The following NEBL variants were observed in gnomAD, a reference collection of about 807,000 sequenced individuals.
The protein encoded by NEBL is nebulette, also known as LIM and SH3 protein 2.
Under a neutral mutation model 140.2 loss-of-function variants are expected in NEBL, and 122 were observed. The ratio of observed to expected loss-of-function variants is 0.87; its 90% CI spans 0.75 to 1.01. The LOEUF is 1.01. Ranked by LOEUF, NEBL falls within the 50% of genes least tolerant of loss-of-function variation. The pLI is 0.00. For missense variants in NEBL, 1,365 were observed against 1,231.3 expected (o/e 1.11, Z -1.62); for synonymous variants, 436 against 398.9 (o/e 1.09, Z -1.11).
At chr10:20,942,290 C>T (rs1206235604) in intron 4 of NEBL, among the ~76,000 whole-genome samples, 1 of 152,186 alleles carries the variant, frequency 6.6e-6, no homozygotes, top group African/African-American at 2.4e-5. Flanking sequence ...TGCCGCATAT[C>T]TACAACCATC....
intron 3 of NEBL, among the ~76,000 whole-genome samples, chr10:21,006,050 C>A (rs1411762049): frequency 6.6e-6 from 1 of 152,174 alleles, no homozygotes; most frequent in Non-Finnish European, 1.5e-5. Context: ...TTTTCTACAT[C>A]TGTGTTTCTC....
chr10:21,018,834 C>A (rs374957174), intron 3 of NEBL, among the ~76,000 whole-genome samples: 14 of 152,166 alleles, frequency 9.2e-5, no homozygotes, highest in African/African-American at 3.4e-4. Flanking sequence ...TCAAGACCAG[C>A]CTGACCAAGA....
chr10:20,831,629 A>G (rs1333091655), intron 14 of NEBL, 46 bp from the exon 15 acceptor site: 1 of 1,261,248 alleles, frequency 7.9e-7, no homozygotes, highest in East Asian at 2.3e-5. Context: ...ATCATTTGAG[A>G]AACTGCTCAA....
chr10:21,032,044 GA>G (rs1833822672), intron 2 of NEBL, among the ~76,000 whole-genome samples: 2 of 152,152 alleles, frequency 1.3e-5, no homozygotes, highest in Non-Finnish European at 2.9e-5. Flanking sequence ...AATGGTATAA[GA>G]AGCTATTAAT....
At chr10:21,109,423 G>A (rs543791993) in intron 2 of NEBL, among the ~76,000 whole-genome samples, 131 of 152,194 alleles carry the variant, frequency 8.6e-4, no homozygotes, top group African/African-American at 2.8e-3. Context: ...GAGGATTTTC[G>A]CATCAATGTT....
At chr10:21,040,480 C>G (rs1834222898) in intron 2 of NEBL, among the ~76,000 whole-genome samples, 1 of 152,122 alleles carries the variant, frequency 6.6e-6, no homozygotes, top group Non-Finnish European at 1.5e-5. Context: ...GGTATGTTAC[C>G]TGGTGAGCGA....
rs1564518138 is a variant in NEBL at position 21,120,419 on chromosome 10, TATA to T, written c.164+51961_164+51963del. On this transcript the variant is annotated intron_variant, in intron 2 of 6. Coordinates refer to the NEBL transcript ENST00000417816. ...ATATATATATATATATATATATATA[TATA>T]TAAATTTGATCACTGGTTTAAAGTA... Among the ~76,000 whole-genome samples, 32 of 130,032 alleles carry T rather than the reference TATA, an allele frequency of 2.5e-4. 1 individual carries two copies. Among genetic ancestry groups the T allele is most frequent in the South Asian group, 7.5e-4 (3 of 4,014 alleles). The allele number at this position is 130,032 out of a possible 152,430, so 85.3% of individuals were successfully genotyped here.
At chr10:20,902,485 G>C (rs1847915395) in intron 4 of NEBL, among the ~76,000 whole-genome samples, 1 of 151,952 alleles carries the variant, frequency 6.6e-6, no homozygotes, top group Admixed American at 6.6e-5. Flanking sequence ...TCACAAATGA[G>C]AGCTACATAG....
chr10:20,900,892 A>T (rs1847843204), upstream of NEBL, among the ~76,000 whole-genome samples: 1 of 147,042 alleles, frequency 6.8e-6, no homozygotes, highest in African/African-American at 2.5e-5. Flanking sequence ...GGTGGCACAC[A>T]CCTGTAATCT....
chr10:21,192,092 A>G (rs1220115065), intron 3 of NEBL, among the ~76,000 whole-genome samples: 1 of 152,186 alleles, frequency 6.6e-6, no homozygotes, highest in Non-Finnish European at 1.5e-5. Flanking sequence ...CAGGTTCTCA[A>G]AAAATCTGCT....
At chr10:21,206,202 C>T (rs529868470) in intron 3 of NEBL, among the ~76,000 whole-genome samples, 14 of 152,192 alleles carry the variant, frequency 9.2e-5, no homozygotes, top group Admixed American at 2.6e-4. Flanking sequence ...ATCCTAATCG[C>T]TGTTAGCAGG....
intron 3 of NEBL, among the ~76,000 whole-genome samples, chr10:21,004,286 A>T (rs993505879): frequency 6.6e-6 from 1 of 152,180 alleles, no homozygotes; most frequent in Non-Finnish European, 1.5e-5. Flanking sequence ...CATCATTAAT[A>T]AAAAAATAAA....
In NEBL at chr10:20,783,449, T is replaced by C. The variant is rs538117233; in HGVS notation, c.*2298A>G. ...AAACATTATTACGTGAAGCTTAAAA[T>C]TTTAGGAGACTTATTCCTCAAATAT... is the stretch of plus-strand genomic sequence containing the variant. On this transcript the variant is annotated 3_prime_UTR_variant, in exon 28 of 28. Coordinates refer to ENST00000377122, the MANE Select transcript of NEBL (RefSeq NM_006393.3). 9 of 152,342 alleles carry C rather than the reference T, an allele frequency of 5.9e-5. No individual in the cohort carries two copies. Among genetic ancestry groups the C allele is most frequent in the African/African-American group, 2.2e-4 (9 of 41,590 alleles). 9.4% of individuals were successfully genotyped at this position (152,342 alleles called of 1,614,324 possible).
chr10:20,796,630 T>C (rs1461807003), intron 26 of NEBL, among the ~76,000 whole-genome samples: 1 of 152,158 alleles, frequency 6.6e-6, no homozygotes, highest in Non-Finnish European at 1.5e-5. Context: ...TAGATAGCTT[T>C]AGATTTTAGA....
intron 7 of NEBL, chr10:20,868,425 A>C (rs2131225334): frequency 2.0e-6 from 1 of 495,344 alleles, no homozygotes; most frequent in Middle Eastern, 5.8e-4. Context: ...GAGACATTGA[A>C]AAATGTTCAG....
intron 19 of NEBL, among the ~76,000 whole-genome samples, chr10:20,821,284 T>TCCG (rs1006322264): frequency 1.3e-5 from 2 of 152,230 alleles, no homozygotes; most frequent in African/African-American, 4.8e-5. Context: ...ATCTCTTCAA[T>TCCG]ACTCTTATCC....
intron 4 of NEBL, among the ~76,000 whole-genome samples, chr10:20,943,716 T>A (rs1370134719): frequency 1.3e-5 from 2 of 152,224 alleles, no homozygotes; most frequent in African/African-American, 4.8e-5. Context: ...TGCTTTTAAC[T>A]AGGATCAAGT....
At chr10:21,282,199 T>A (rs535360794) in intron 1 of NEBL, among the ~76,000 whole-genome samples, 1 of 152,270 alleles carries the variant, frequency 6.6e-6, no homozygotes, top group African/African-American at 2.4e-5. Context: ...GAAGTGAATA[T>A]GTAGATTTAG....
intron 1 of NEBL, among the ~76,000 whole-genome samples, chr10:21,287,472 G>A (rs537422761): frequency 6.6e-6 from 1 of 152,156 alleles, no homozygotes; most frequent in Non-Finnish European, 1.5e-5. Context: ...GGAGGTGGAG[G>A]TTGCAGTGAA....
Sources: allele counts gnomAD v4.1 joint callset (sites outside exome capture counted in the v4.1 genomes callset), GRCh38; gene constraint gnomAD v4.1.1; transcripts MANE v1.5; gene names NCBI Gene and HGNC (gene_info 2026-07-23, HGNC 2026-07-21).